Variants in TMEM120B observed in about 807,000 individuals in gnomAD.
TMEM120B encodes transmembrane protein 120B.
Under a neutral mutation model 55.5 loss-of-function variants are expected in TMEM120B, and 31 were observed. The observed-to-expected ratio is 0.56, with a 90% CI of 0.42 to 0.75. The LOEUF (loss-of-function observed/expected upper bound fraction) is 0.75, where lower values mean the gene tolerates loss of function less well. TMEM120B is among the 30% of genes least tolerant of loss of function. The pLI is 0.00. For missense variants in TMEM120B, 399 were observed against 425.5 expected (o/e 0.94, Z 0.55); for synonymous variants, 203 against 176.3 (o/e 1.15, Z -1.20).
intron 5 of TMEM120B, among the ~76,000 whole-genome samples, chr12:121,757,137 C>T (rs1340683119): frequency 4.4e-5 from 3 of 67,708 alleles, no homozygotes; most frequent in Non-Finnish European, 9.4e-5. Flanking sequence ...CCTCCCTGGG[C>T]GGTGGGGGGG....
At chr12:121,759,431 A>G (rs902458784) in intron 5 of TMEM120B, among the ~76,000 whole-genome samples, 1 of 152,020 alleles carries the variant, frequency 6.6e-6, no homozygotes, top group Non-Finnish European at 1.5e-5. Context: ...TAGTCCCAAC[A>G]CTTTGAGAGG....
chr12:121,755,679 A>ATCC (rs2137241365), intron 5 of TMEM120B, among the ~76,000 whole-genome samples: 1 of 152,164 alleles, frequency 6.6e-6, no homozygotes, highest in African/African-American at 2.4e-5. Context: ...ATCCCAGGAG[A>ATCC]CACTGGTAGT....
chr12:121,769,845 A>G (rs889319708), intron 6 of TMEM120B, among the ~76,000 whole-genome samples: 1 of 152,082 alleles, frequency 6.6e-6, no homozygotes, highest in Non-Finnish European at 1.5e-5. Context: ...TAGAGGTGAC[A>G]TAGGGGTGGG....
rs570658345 is a variant in TMEM120B, at chr12:121,761,531, A to G, written c.462-118A>G. The G allele has an allele frequency of 1.4e-4, 98 of 690,086 alleles. No homozygotes were observed. The African/African-American group carries it at 1.6e-3, about 11-fold the overall frequency. The allele number at this position is 690,086 out of a possible 1,614,324, so 42.7% of individuals were successfully genotyped here. A position where few individuals can be genotyped will look rare whatever the true frequency, so the allele number is the denominator to read the frequency against. On this transcript the variant is annotated intron_variant, in intron 5 of 11. Transcript: ENST00000449592. ...TCCCTGGTGTCATAAGGGCTTCCAG[A>G]GGCAGCGCGTGCTGTGGGCAGCCCT...
At position 121,781,353 on chromosome 12, in the gene TMEM120B, C is replaced by T. The variant is rs1342801545; in HGVS notation, c.*5631C>T. On this transcript the variant is annotated 3_prime_UTR_variant, in exon 12 of 12. Coordinates refer to ENST00000449592, the MANE Select transcript of TMEM120B (RefSeq NM_001080825.2). ...AGGAGTGCTGGCACAGGCCTGTGGT[C>T]GCAGCTACTCGGGAGGCTGAGGCCG... 3.2e-6 allele frequency: 2 copies of T among 627,870 alleles called. No individual in the cohort carries two copies. The highest frequency in any genetic ancestry group is 3.9e-5 in the South Asian group (2 of 51,388). The allele number at this position is 627,870 out of a possible 1,614,324, so 38.9% of individuals were successfully genotyped here. A position where few individuals can be genotyped will look rare whatever the true frequency, so the allele number is the denominator to read the frequency against.
At chr12:121,771,169 C>T (rs1462520676) in intron 7 of TMEM120B, among the ~76,000 whole-genome samples, 197 bp downstream of exon 7, 3 of 152,106 alleles carry the variant, frequency 2.0e-5, no homozygotes, top group African/African-American at 4.8e-5. Flanking sequence ...GGAATGGTTT[C>T]GGGTGTCCCT....
At position 121,758,604 on chromosome 12, in the gene TMEM120B, G is replaced by A. The variant is rs371123703; in HGVS notation, c.462-3045G>A. The A allele has an allele frequency of 1.5e-4, 144 of 982,514 alleles. 3 individuals carry two copies. In the East Asian group the frequency reaches 0.013, roughly 91 times the overall value. 60.9% of individuals were successfully genotyped at this position (982,514 alleles called of 1,614,324 possible). A position where few individuals can be genotyped will look rare whatever the true frequency, so the allele number is the denominator to read the frequency against. On this transcript the variant is annotated intron_variant, in intron 5 of 11. Transcript: ENST00000449592. ...TGCTGTGGTCACCATGGAGGAGGAC[G>A]GCCCAGCCCCGCGCTGTGGTCACCA...
Position 121,776,880 on chromosome 12 carries a change from A to T in TMEM120B, c.*1158A>T, listed in dbSNP as rs1874265906. 1 of 150,646 alleles carries T rather than the reference A, an allele frequency of 6.6e-6. No individual in the cohort carries two copies. Among genetic ancestry groups the T allele is most frequent in the Admixed American group, 6.6e-5 (1 of 15,092 alleles). The allele number at this position is 150,646 out of a possible 1,614,324, so 9.3% of individuals were successfully genotyped here. A position where few individuals can be genotyped will look rare whatever the true frequency, so the allele number is the denominator to read the frequency against. On this transcript the variant is annotated 3_prime_UTR_variant, in exon 12 of 12. Coordinates refer to ENST00000449592, the MANE Select transcript of TMEM120B (RefSeq NM_001080825.2). ...ATAGGTCACTGTAGCCTCCGCCTCC[A>T]GGGCTCAAGGGATCCTCCCACCTCA...
chr12:121,738,649 C>T (rs1043546005), intron 1 of TMEM120B, among the ~76,000 whole-genome samples: 3 of 152,186 alleles, frequency 2.0e-5, no homozygotes, highest in Non-Finnish European at 4.4e-5. Context: ...ACACAGATAA[C>T]TTATTAATTA....
intron 1 of TMEM120B, among the ~76,000 whole-genome samples, chr12:121,729,077 ACATTT>A (rs1279132410): frequency 1.3e-5 from 2 of 152,210 alleles, no homozygotes; most frequent in South Asian, 4.1e-4. Context: ...GCTTCTAGCC[ACATTT>A]CATGGACTGA....
intron 4 of TMEM120B, 107 bp downstream of exon 4, chr12:121,750,546 A>G: frequency 1.4e-6 from 1 of 708,890 alleles, no homozygotes; most frequent in Non-Finnish European, 2.3e-6. Flanking sequence ...ATCCACACCC[A>G]CACCAACACC....
At chr12:121,755,381 C>T (rs1408947625) in intron 5 of TMEM120B, among the ~76,000 whole-genome samples, 3 of 152,184 alleles carry the variant, frequency 2.0e-5, no homozygotes, top group Admixed American at 6.6e-5. Context: ...ACTCCTTGGG[C>T]GTTTGGAGGC....
At chr12:121,751,745 G>T (rs547170207) in intron 4 of TMEM120B, among the ~76,000 whole-genome samples, 1 of 146,002 alleles carries the variant, frequency 6.8e-6, no homozygotes, top group African/African-American at 2.5e-5. Flanking sequence ...TCTGTTTCAC[G>T]CCCTATCACA....
At chr12:121,751,978 A>C in intron 4 of TMEM120B, 150 bp from the exon 5 acceptor site, 1 of 633,510 alleles carries the variant, frequency 1.6e-6, no homozygotes, top group Non-Finnish European at 2.8e-6. Flanking sequence ...TAACCCGTCA[A>C]GGCCAGGTCT....
At chr12:121,770,606 A>G (rs567057616) in intron 6 of TMEM120B, among the ~76,000 whole-genome samples, 2 of 151,692 alleles carry the variant, frequency 1.3e-5, no homozygotes, top group Admixed American at 6.6e-5. Flanking sequence ...GGAGAGGACC[A>G]GGTGGGGAGG....
In TMEM120B at chr12:121,781,692, GGGCTGAGT is replaced by G. The variant is rs1874464784; in HGVS notation, c.*5973_*5980del. On this transcript the variant is annotated 3_prime_UTR_variant, in exon 12 of 12. Transcript: ENST00000449592. ...CCCTCCCCAAAGATTCAGACCTGTG[GGGCTGAGT>G]GGGCTCATAGTGTCCCCAAGTCCTG... The G allele has an allele frequency of 6.3e-6, 1 of 159,804 alleles. No individual in the cohort carries two copies. The highest frequency in any genetic ancestry group is 5.8e-5 in the Admixed American group (1 of 17,130). 9.9% of individuals were successfully genotyped at this position (159,804 alleles called of 1,614,324 possible).
intron 1 of TMEM120B, among the ~76,000 whole-genome samples, chr12:121,740,211 A>C (rs191802302): frequency 3.3e-5 from 5 of 152,070 alleles, no homozygotes; most frequent in Non-Finnish European, 7.4e-5. Flanking sequence ...GAGGCCTGGC[A>C]CGGTGGCTCA....
chr12:121,726,891 G>C (rs1023739868), intron 1 of TMEM120B, among the ~76,000 whole-genome samples: 4 of 126,396 alleles, frequency 3.2e-5, no homozygotes, highest in Non-Finnish European at 6.4e-5. Flanking sequence ...CTGGGCAACA[G>C]AGTGGGACTC....
chr12:121,722,047 C>T (rs751047219), intron 1 of TMEM120B, among the ~76,000 whole-genome samples: 10 of 151,248 alleles, frequency 6.6e-5, no homozygotes, highest in African/African-American at 1.5e-4. Context: ...GTGATCCGCC[C>T]GCTTTGGCCT....
Sources: gnomAD v4.1 joint callset for allele counts (sites outside exome capture counted in the v4.1 genomes callset) on GRCh38, gnomAD v4.1.1 for gene constraint, MANE v1.5 for transcripts, NCBI Gene and HGNC (gene_info 2026-07-23, HGNC 2026-07-21) for gene names.